Variants in RANBP2 observed in about 807,000 individuals in gnomAD.
The protein encoded by RANBP2 is RAN binding protein 2.
In RANBP2, 57 loss-of-function variants were observed where a neutral mutation model predicts 303.6. The observed-to-expected ratio is 0.19, with a 90% confidence interval of 0.15 to 0.23. RANBP2 has a LOEUF of 0.23. Among genes scored for constraint, RANBP2 ranks in the 10% least tolerant of loss-of-function variants. The pLI, the probability that RANBP2 is intolerant of heterozygous loss-of-function variation, is 1.00. For missense variants in RANBP2, 3,138 were observed against 3,780.8 expected (o/e 0.83, Z 4.46); for synonymous variants, 1,167 against 1,301.5 (o/e 0.90, Z 2.23).
the RANBP2 span, among the ~76,000 whole-genome samples, chr2:109,716,116 C>T: frequency 2.0e-5 from 3 of 151,964 alleles, no homozygotes; most frequent in South Asian, 2.1e-4. Flanking sequence ...AGGAGAGGGT[C>T]GCATGACTGA....
the RANBP2 span, among the ~76,000 whole-genome samples, chr2:108,866,819 T>C: frequency 6.6e-6 from 1 of 151,296 alleles, no homozygotes; most frequent in Non-Finnish European, 1.5e-5. Context: ...GGAGGTGGAG[T>C]TTGCAGTGAG....
chr2:109,627,820 A>C, the RANBP2 span, among the ~76,000 whole-genome samples: 26,315 of 152,226 alleles, frequency 0.17, 2,604 homozygotes, highest in African/African-American at 0.27. Flanking sequence ...TGTTGCTTAT[A>C]GTTGTAAATA....
chr2:109,707,637 C>A, the RANBP2 span, among the ~76,000 whole-genome samples: 1 of 152,200 alleles, frequency 6.6e-6, no homozygotes, highest in African/African-American at 2.4e-5. Context: ...GAGAACAGGG[C>A]CCAGCAGGGA....
chr2:109,424,429 C>G, the RANBP2 span, among the ~76,000 whole-genome samples: 11 of 152,192 alleles, frequency 7.2e-5, no homozygotes, highest in Non-Finnish European at 1.2e-4. Flanking sequence ...GAAACACAGG[C>G]AAACCTCATT....
chr2:109,040,348 C>T, the RANBP2 span, among the ~76,000 whole-genome samples: 1 of 152,290 alleles, frequency 6.6e-6, no homozygotes, highest in East Asian at 1.9e-4. Context: ...GACTTCATTA[C>T]TTTCAGCTTT....
At chr2:108,812,623 C>T in the RANBP2 span, 1 of 1,605,844 alleles carries the variant, frequency 6.2e-7, no homozygotes, top group Non-Finnish European at 8.5e-7. Context: ...ACTTTTTCTA[C>T]CCTTTAGTTA....
chr2:109,646,657 A>ATTTTTTTTTTTTTT, the RANBP2 span, among the ~76,000 whole-genome samples: 2 of 119,012 alleles, frequency 1.7e-5, no homozygotes, highest in African/African-American at 3.2e-5. Flanking sequence ...ATGACTGGCT[A>ATTTTTTTTTTTTTT]TTTTTTTTTT....
the RANBP2 span, among the ~76,000 whole-genome samples, chr2:109,678,967 G>A: frequency 1.3e-5 from 2 of 152,208 alleles, no homozygotes; most frequent in Non-Finnish European, 2.9e-5. Context: ...TCTCAGTCTG[G>A]CTGGGAAGCC....
chr2:108,763,151 T>A, intron 19 of RANBP2, 86 bp from the exon 20 acceptor site: 1 of 1,407,962 alleles, frequency 7.1e-7, no homozygotes, highest in Non-Finnish European at 9.9e-7. Flanking sequence ...CATATTCATG[T>A]TTGAAGTTTG....
chr2:108,979,061 A>G, the RANBP2 span, among the ~76,000 whole-genome samples: 1 of 152,196 alleles, frequency 6.6e-6, no homozygotes, highest in Non-Finnish European at 1.5e-5. Context: ...TGCCAGCTTC[A>G]AAAACATTCA....
the RANBP2 span, among the ~76,000 whole-genome samples, chr2:109,132,571 G>A: frequency 3.9e-5 from 6 of 152,164 alleles, no homozygotes; most frequent in Non-Finnish European, 8.8e-5. Flanking sequence ...ACCCAGTGAC[G>A]AGTACCCATA....
the RANBP2 span, among the ~76,000 whole-genome samples, chr2:109,735,500 TTC>T: frequency 6.6e-6 from 1 of 152,156 alleles, no homozygotes; most frequent in Non-Finnish European, 1.5e-5. Context: ...CTCTCTCTTT[TTC>T]TTTTTTAGTA....
At chr2:109,324,830 C>T in the RANBP2 span, among the ~76,000 whole-genome samples, 6 of 152,190 alleles carry the variant, frequency 3.9e-5, no homozygotes, top group Middle Eastern at 3.2e-3. Flanking sequence ...CAGTACTCTC[C>T]GTCCCTCTCC....
the RANBP2 span, among the ~76,000 whole-genome samples, chr2:108,958,152 A>G: frequency 6.6e-6 from 1 of 152,188 alleles, no homozygotes; most frequent in African/African-American, 2.4e-5. Flanking sequence ...AGGAGAAAGA[A>G]AGGCGGGAGA....
At chr2:108,817,413 C>T in the RANBP2 span, among the ~76,000 whole-genome samples, 2 of 152,052 alleles carry the variant, frequency 1.3e-5, no homozygotes, top group African/African-American at 4.8e-5. Flanking sequence ...CTGCCTCAGT[C>T]TCCCAAGTAG....
At chr2:108,990,015 G>C in the RANBP2 span, among the ~76,000 whole-genome samples, 1 of 152,210 alleles carries the variant, frequency 6.6e-6, no homozygotes, top group South Asian at 2.1e-4. Flanking sequence ...GAAAGAAACA[G>C]TCTGGGCTCC....
chr2:109,379,462 C>T, the RANBP2 span, among the ~76,000 whole-genome samples: 3 of 152,218 alleles, frequency 2.0e-5, no homozygotes, highest in Non-Finnish European at 4.4e-5. Flanking sequence ...GTGTTCCCTA[C>T]ACTTCTGCTG....
chr2:109,021,185 C>A, the RANBP2 span, among the ~76,000 whole-genome samples: 1 of 152,138 alleles, frequency 6.6e-6, no homozygotes, highest in African/African-American at 2.4e-5. Flanking sequence ...TTAGTGCTCA[C>A]CAAGTGATAA....
At chr2:108,900,740 T>C in the RANBP2 span, among the ~76,000 whole-genome samples, 2 of 152,182 alleles carry the variant, frequency 1.3e-5, no homozygotes, top group Non-Finnish European at 2.9e-5. Context: ...CAAACTTCAA[T>C]AACAAGAAGG....
Sources: gnomAD v4.1 joint callset for allele counts (sites outside exome capture counted in the v4.1 genomes callset) on GRCh38, gnomAD v4.1.1 for gene constraint, MANE v1.5 for transcripts, NCBI Gene and HGNC (gene_info 2026-07-23, HGNC 2026-07-21) for gene names.